LPAR1: variants seen among roughly 807,000 people sequenced by gnomAD.
LPAR1 encodes lysophosphatidic acid receptor 1, also known as LPA receptor 1.
Under a neutral mutation model 23.8 loss-of-function variants are expected in LPAR1, and 5 were observed. That is an observed-to-expected ratio of 0.21 (90% CI 0.11 to 0.44). LPAR1 has a LOEUF of 0.44. Ranked by LOEUF, LPAR1 falls within the 20% of genes least tolerant of loss-of-function variation. The pLI is 0.99. For missense variants in LPAR1, 311 were observed against 482.8 expected (o/e 0.64, Z 3.33); for synonymous variants, 160 against 164.7 (o/e 0.97, Z 0.22).
intron 2 of LPAR1, among the ~76,000 whole-genome samples, chr9:111,027,329 A>AAAAT (rs537422907): frequency 0.011 from 1,686 of 152,046 alleles, 16 homozygotes; most frequent in Middle Eastern, 0.014. Context: ...CTCTACCCAA[A>AAAAT]AAATAAATAA....
intron 2 of LPAR1, among the ~76,000 whole-genome samples, chr9:110,980,012 T>C (rs560349045): frequency 3.3e-5 from 5 of 152,126 alleles, no homozygotes; most frequent in African/African-American, 7.2e-5. Flanking sequence ...AACAAAAAAT[T>C]TGCAGAAGAG....
rs149816479 is a variant in LPAR1 at position 110,901,244 on chromosome 9, G to A, written c.794-25522C>T. Among the ~76,000 whole-genome samples the A allele has an allele frequency of 4.9e-3, 748 of 152,286 alleles. 12 individuals are homozygous for A. The highest frequency in any genetic ancestry group is 0.017 in the African/African-American group (715 of 41,562). On this transcript the variant is annotated intron_variant, in intron 5 of 5. Coordinates refer to ENST00000683809, the MANE Select transcript of LPAR1 (RefSeq NM_001351411.2). The stretch of plus-strand genomic sequence containing the variant: ...GAAGAAGGCAGAAGGAGAAGTCGTG[G>A]CCTAAAGATAGAGTATTTGTTGACT...
intron 5 of LPAR1, among the ~76,000 whole-genome samples, chr9:110,896,787 C>CTT (rs3030133): frequency 0.18 from 22,254 of 126,194 alleles, 2,293 homozygotes; most frequent in Admixed American, 0.22. Flanking sequence ...TTAGTGAAAT[C>CTT]TTTTTTTTTT....
rs775595592 is a variant in LPAR1 at position 110,873,943 on chromosome 9, A to C, written c.*1478T>G. On this transcript the variant is annotated 3_prime_UTR_variant, in exon 6 of 6. Transcript: ENST00000683809. ...ATTCTTGAGACAGTTGAATTCTTCT[A>C]GTTGATCTTGTTGTATTAAAAAGTC... 1.3e-5 allele frequency: 2 copies of C among 152,600 alleles called. No homozygotes were observed. The highest frequency in any genetic ancestry group is 1.5e-5 in the Non-Finnish European group (1 of 68,020). The allele number at this position is 152,600 out of a possible 1,614,324, so 9.5% of individuals were successfully genotyped here.
intron 4 of LPAR1, among the ~76,000 whole-genome samples, chr9:110,955,216 G>A (rs2095697879): frequency 6.6e-6 from 1 of 152,114 alleles, no homozygotes; most frequent in South Asian, 2.1e-4. Flanking sequence ...GAAGAAACAT[G>A]TAGACTGAAA....
In LPAR1 at chr9:111,018,941, G is replaced by C. The variant is rs2097507424; in HGVS notation, c.-182+17181C>G. On this transcript the variant is annotated intron_variant, in intron 2 of 5. Transcript: ENST00000683809. ...ATTATTATCAGGCTATTAAAAATAT[G>C]ATTCAGACTATATCGCCTTATATAA... Among the ~76,000 whole-genome samples the C allele has an allele frequency of 1.3e-5, 2 of 152,160 alleles. 1 individual carries two copies. The highest frequency in any genetic ancestry group is 4.1e-4 in the South Asian group (2 of 4,832).
At position 110,941,582 on chromosome 9, in the gene LPAR1, G is replaced by T. The variant is rs2095109911; in HGVS notation, c.632C>A (p.Ala211Asp). 6.8e-6 allele frequency: 11 copies of T among 1,614,064 alleles called. No individual in the cohort carries two copies. The highest frequency in any genetic ancestry group is 9.3e-6 in the Non-Finnish European group (11 of 1,179,998). The change falls in exon 5 of 6, where the codon GCC becomes GAC. Residue 211 changes from alanine (A) to aspartate (D), a missense_variant. By Grantham distance (126) the Ala-to-Asp change is moderately radical. Around this residue, in one of 2 missense-constraint regions of LPAR1, gnomAD observed 250 missense variants for 427.2 expected, o/e 0.59. Transcript: ENST00000683809. This position sits in a 1 kb window ranked among gnomAD's most constrained non-coding sequence, Gnocchi z 6.1. ...CACAAAGGTCACCAAGTTGAAAATG[G>T]CCCAGAAGACTAAGTAAGAGTCACT... is the stretch of plus-strand genomic sequence containing the variant. ...LYSDSYLVFW[A>D]IFNLVTFVVM...
chr9:110,892,818 A>AGGC (rs1564386147), intron 5 of LPAR1, among the ~76,000 whole-genome samples: 247 of 97,154 alleles, frequency 2.5e-3, no homozygotes, highest in South Asian at 0.012. Context: ...GGAAGGAAGG[A>AGGC]AGGAAGGAAG....
At chr9:111,036,774 T>G (rs1275115757) in intron 1 of LPAR1, among the ~76,000 whole-genome samples, 2 of 152,176 alleles carry the variant, frequency 1.3e-5, no homozygotes, top group Non-Finnish European at 2.9e-5. Context: ...CTTGGTGTTT[T>G]TATCCTCAAA....
chr9:111,013,982 T>A (rs1333440671), intron 2 of LPAR1, among the ~76,000 whole-genome samples: 2 of 152,228 alleles, frequency 1.3e-5, no homozygotes, highest in African/African-American at 4.8e-5. Flanking sequence ...TGCAGCTGTT[T>A]GTGCTCATAC....
chr9:111,022,052 T>C (rs2097570774), intron 2 of LPAR1, among the ~76,000 whole-genome samples: 1 of 151,628 alleles, frequency 6.6e-6, no homozygotes, highest in South Asian at 2.1e-4. Context: ...ATTAGTAGTG[T>C]TGCCCAATGT....
At chr9:110,991,579 T>TTG (rs2096894500) in intron 2 of LPAR1, among the ~76,000 whole-genome samples, 7 of 72,934 alleles carry the variant, frequency 9.6e-5, no homozygotes, top group Admixed American at 2.4e-4. Context: ...TCTGGTTTGT[T>TTG]TTGTTGTTGT....
At chr9:110,892,720 G>T (rs7042068) in intron 5 of LPAR1, among the ~76,000 whole-genome samples, 6 of 148,236 alleles carry the variant, frequency 4.0e-5, no homozygotes, top group Non-Finnish European at 7.5e-5. Flanking sequence ...AGGGAAAGGG[G>T]AAGGGAAAGG....
chr9:110,917,651 A>C (rs1159166452), intron 5 of LPAR1, among the ~76,000 whole-genome samples: 2 of 152,192 alleles, frequency 1.3e-5, no homozygotes, highest in Non-Finnish European at 2.9e-5. Context: ...TGATGCATCC[A>C]TCACAGAGCA....
At chr9:110,984,219 T>A (rs1222850973) in intron 2 of LPAR1, among the ~76,000 whole-genome samples, 1 of 152,012 alleles carries the variant, frequency 6.6e-6, no homozygotes, top group Admixed American at 6.6e-5. Context: ...TTTAACTATA[T>A]TTCTGTACCC....
chr9:110,954,967 T>C (rs2095689499), intron 4 of LPAR1, among the ~76,000 whole-genome samples: 1 of 152,132 alleles, frequency 6.6e-6, no homozygotes, highest in Non-Finnish European at 1.5e-5. Context: ...AGAATTCATA[T>C]GTTACCACTA....
chr9:110,880,926 A>G (rs1437511719), intron 5 of LPAR1, among the ~76,000 whole-genome samples: 2 of 152,196 alleles, frequency 1.3e-5, no homozygotes, highest in Non-Finnish European at 2.9e-5. Flanking sequence ...AAATCCTTCA[A>G]TGCTATGTAT....
At chr9:110,967,644 G>GGT (rs2096268528) in intron 4 of LPAR1, among the ~76,000 whole-genome samples, 1 of 152,176 alleles carries the variant, frequency 6.6e-6, no homozygotes, top group Non-Finnish European at 1.5e-5. Context: ...ACCAGGCTAA[G>GGT]GTGACTGAGT....
intron 2 of LPAR1, among the ~76,000 whole-genome samples, chr9:111,006,893 G>GTTAT (rs2097228170): frequency 6.6e-6 from 1 of 152,008 alleles, no homozygotes; most frequent in Non-Finnish European, 1.5e-5. Flanking sequence ...AATCCCCAGT[G>GTTAT]TTATACCTGG....
Sources: gnomAD v4.1 joint callset for allele counts (sites outside exome capture counted in the v4.1 genomes callset) on GRCh38, gnomAD v4.1.1 for gene constraint, gnomAD v4.1.1 regional missense constraint, Gnocchi (gnomAD v3.1) non-coding constraint, MANE v1.5 for transcripts, NCBI Gene and HGNC (gene_info 2026-07-23, HGNC 2026-07-21) for gene names.